Variants in GPNMB observed in about 807,000 individuals in gnomAD.
GPNMB encodes glycoprotein nmb, also known as transmembrane glycoprotein NMB.
Under a neutral mutation model 57.3 loss-of-function variants are expected in GPNMB, and 71 were observed. The ratio of observed to expected loss-of-function variants is 1.24; its 90% CI spans 1.02 to 1.51. The LOEUF (loss-of-function observed/expected upper bound fraction) is 1.51. Among genes scored for constraint, GPNMB ranks in the 40% most tolerant of loss-of-function variants. The pLI is 0.00. For missense variants in GPNMB, 677 were observed against 691.9 expected (o/e 0.98, Z 0.24); for synonymous variants, 253 against 263.2 (o/e 0.96, Z 0.38).
In GPNMB at chr7:23,260,720, C is replaced by T. The variant is rs768350886; in HGVS notation, c.965C>T (p.Pro322Leu). 1 of 1,597,642 alleles carries T rather than the reference C, an allele frequency of 6.3e-7. No homozygotes were observed. Among genetic ancestry groups the T allele is most frequent in the East Asian group, 2.2e-5 (1 of 44,460 alleles). ...ACTGTGAAAGCTGCAGCACCAGGAC[C>T]TTGTCCGCCACCGCCACCACCACCC... ...NLTVKAAAPG[P>L]CPPPPPPPRP... is the part of the protein sequence containing the mutation. Residue 322 changes from proline to leucine, a missense_variant, in exon 6 of 11, where the codon CCT becomes CTT. Physicochemically the swap from Pro to Leu is moderately conservative, Grantham distance 98. Transcript: ENST00000258733.
chr7:23,269,680 C>T (rs1002475053), intron 8 of GPNMB, among the ~76,000 whole-genome samples: 1 of 152,134 alleles, frequency 6.6e-6, no homozygotes, highest in African/African-American at 2.4e-5. Context: ...GTGAGCTGGG[C>T]TTCACGTGGT....
chr7:23,259,576 A>G (rs1032187260), intron 4 of GPNMB, among the ~76,000 whole-genome samples: 4 of 152,188 alleles, frequency 2.6e-5, no homozygotes, highest in Admixed American at 2.6e-4. Context: ...AAATAGTAAC[A>G]AAAATAAGGT....
At position 23,260,098 on chromosome 7, in the gene GPNMB, T is replaced by G. The variant is rs770211260; in HGVS notation, c.660T>G (p.Tyr220Ter). 5.0e-6 allele frequency: 8 copies of G among 1,614,012 alleles called. No individual in the cohort carries two copies. In the East Asian group the frequency reaches 1.6e-4, roughly 31 times the overall value. ...VTVYRRHGRA[Y>*]VPIAQVKDVY... ...TCTACAGAAGACATGGACGGGCATA[T>G]GTTCCCATCGCACAAGTGAAAGATG... The change falls in exon 5 of 11, where the codon TAT becomes TAG. Residue 220 changes from tyrosine to a stop codon, truncating the protein, a stop_gained. Coordinates refer to ENST00000258733, the MANE Select transcript of GPNMB (RefSeq NM_002510.3). LOFTEE classifies it high-confidence loss of function.
Position 23,274,387 on chromosome 7 carries a change from G to A in GPNMB, c.*163G>A, listed in dbSNP as rs1783286956. 5.3e-6 allele frequency: 3 copies of A among 566,112 alleles called. No individual in the cohort carries two copies. Among genetic ancestry groups the A allele is most frequent in the Admixed American group, 3.4e-5 (1 of 29,850 alleles). The allele number at this position is 566,112 out of a possible 1,614,324, so 35.1% of individuals were successfully genotyped here. ...AAATGTCATTTTAGAGATGGGGAGAGGGATTATACTGCAGGCAGCTTCAGC... is the reference window on the plus strand; with the variant it reads ...AAATGTCATTTTAGAGATGGGGAGAAGGATTATACTGCAGGCAGCTTCAGC... On this transcript the variant is annotated 3_prime_UTR_variant, in exon 11 of 11. Transcript: ENST00000258733.
At chr7:23,256,245 T>A (rs1583819503) in intron 3 of GPNMB, among the ~76,000 whole-genome samples, 1 of 152,214 alleles carries the variant, frequency 6.6e-6, no homozygotes, top group African/African-American at 2.4e-5. Context: ...TACAACAAAT[T>A]GTTGTTAACT....
Position 23,259,242 on chromosome 7 carries a change from G to A in GPNMB, c.542-738G>A, listed in dbSNP as rs149992080. Reference sequence around the variant, plus strand: ...CGCTCTGTCACCAGGCTGGAGTGCAGTGGTGTGATCTCAGCTCACTGGAAT... The same window carrying A: ...CGCTCTGTCACCAGGCTGGAGTGCAATGGTGTGATCTCAGCTCACTGGAAT... On this transcript the variant is annotated intron_variant, in intron 4 of 10. Coordinates refer to ENST00000258733, the MANE Select transcript of GPNMB (RefSeq NM_002510.3). 5.2e-3 allele frequency among the ~76,000 whole-genome samples: 794 copies of A among 152,256 alleles called. 7 individuals carry two copies. Among genetic ancestry groups the A allele is most frequent in the African/African-American group, 0.018 (731 of 41,548 alleles).
rs757984086 is a variant in GPNMB, at chr7:23,260,072, G to A, written c.634G>A (p.Val212Ile). 4.7e-5 allele frequency: 76 copies of A among 1,613,938 alleles called. No individual in the cohort carries two copies. Among genetic ancestry groups the A allele is most frequent in the Non-Finnish European group, 6.2e-5 (73 of 1,179,914 alleles). ...TGGGCCTCAACTCATGGAAGTGACT[G>A]TCTACAGAAGACATGGACGGGCATA... Reference protein sequence around the residue: ...TLGPQLMEVTVYRRHGRAYVP... With the variant: ...TLGPQLMEVTIYRRHGRAYVP... Residue 212 changes from valine to isoleucine, a missense_variant, in exon 5 of 11, where the codon GTC (valine) becomes ATC (isoleucine). By Grantham distance (29) the Val-to-Ile change is conservative. Transcript: ENST00000258733.
At chr7:23,248,308 C>T (rs1001266224) in intron 1 of GPNMB, among the ~76,000 whole-genome samples, 2 of 152,086 alleles carry the variant, frequency 1.3e-5, no homozygotes, top group Non-Finnish European at 2.9e-5. Context: ...AGAATAGACC[C>T]GATGGGGGAC....
At position 23,260,563 on chromosome 7, in the gene GPNMB, C is replaced by T. The variant is rs1382643708; in HGVS notation, c.808C>T (p.Pro270Ser). ...TATGTTTGATGTCCTGATTCATGAT[C>T]CTAGCCACTTCCTCAATTATTCTAC... ...PIMFDVLIHD[P>S]SHFLNYSTIN... The change falls in exon 6 of 11, where the codon CCT becomes TCT. Residue 270 changes from proline to serine, a missense_variant. Pro to Ser is a moderately conservative substitution (Grantham distance 74). Coordinates refer to ENST00000258733, the MANE Select transcript of GPNMB (RefSeq NM_002510.3). 10 of 1,613,498 alleles carry T rather than the reference C, an allele frequency of 6.2e-6. No homozygotes were observed. Among genetic ancestry groups the T allele is most frequent in the Non-Finnish European group, 8.5e-6 (10 of 1,179,554 alleles).
intron 1 of GPNMB, among the ~76,000 whole-genome samples, chr7:23,249,122 A>T (rs111783501): frequency 0.034 from 5,112 of 152,202 alleles, 245 homozygotes; most frequent in East Asian, 0.12. Flanking sequence ...GGGTTTTGCC[A>T]TGTTGCCCAG....
At position 23,274,144 on chromosome 7, in the gene GPNMB, C is replaced by T. The variant is rs145920361; in HGVS notation, c.1603C>T (p.Arg535Cys). The T allele has an allele frequency of 2.9e-4, 461 of 1,613,240 alleles. 1 individual carries two copies. Among genetic ancestry groups the T allele is most frequent in the Non-Finnish European group, 3.4e-4 (402 of 1,179,364 alleles). The change falls in exon 11 of 11, where the codon CGT becomes TGT. Residue 535 changes from arginine (R) to cysteine (C), a missense_variant. Arg to Cys is a radical substitution (Grantham distance 180, BLOSUM62 -3). Transcript: ENST00000258733. ...RSKGLSVFLN[R>C]AKAVFFPGNQ... Reference sequence around the variant, plus strand: ...CAAAGGCCTGAGTGTCTTTCTCAACCGTGCAAAAGCCGTGTTCTTCCCGGG... The same window carrying T: ...CAAAGGCCTGAGTGTCTTTCTCAACTGTGCAAAAGCCGTGTTCTTCCCGGG...
intron 2 of GPNMB, 112 bp downstream of exon 2, chr7:23,253,571 C>A: frequency 1.0e-5 from 9 of 871,656 alleles, no homozygotes; most frequent in Non-Finnish European, 1.6e-5. Context: ...AATGACAGTG[C>A]TCTCATTACC....
intron 1 of GPNMB, 132 bp from the exon 2 acceptor site, chr7:23,253,175 C>A: frequency 3.1e-6 from 2 of 653,390 alleles, no homozygotes; most frequent in Non-Finnish European, 4.9e-6. Context: ...AAAAACAAAG[C>A]ACCCTCTGTT....
At position 23,275,047 on chromosome 7, in the gene GPNMB, A is replaced by G. The variant is rs555719860; in HGVS notation, c.*823A>G. On this transcript the variant is annotated 3_prime_UTR_variant, in exon 11 of 11. Transcript: ENST00000258733. The stretch of plus-strand genomic sequence containing the variant: ...CTGTTTGTAACTAAAACCATCTACT[A>G]TATGTTAGACATGACATTCTTTTTC... 9 of 152,202 alleles carry G rather than the reference A, an allele frequency of 5.9e-5. No individual in the cohort carries two copies. The highest frequency in any genetic ancestry group is 2.0e-4 in the Admixed American group (3 of 15,272). The allele number at this position is 152,202 out of a possible 1,614,324, so 9.4% of individuals were successfully genotyped here.
In GPNMB at chr7:23,274,093, A is replaced by G; in HGVS notation, c.1552A>G (p.Asn518Asp). Residue 518 changes from asparagine (N) to aspartate (D), a missense_variant, in exon 11 of 11, where the codon AAT becomes GAT. Coordinates refer to ENST00000258733, the MANE Select transcript of GPNMB (RefSeq NM_002510.3). ...ACACAAGGAATACAACCCAATAGAA[A>G]ATAGTCCTGGGAATGTGGTCAGAAG... ...KKHKEYNPIENSPGNVVRSKG... is the reference protein window; with the variant it reads ...KKHKEYNPIEDSPGNVVRSKG... 1 of 1,612,822 alleles carries G rather than the reference A, an allele frequency of 6.2e-7. No individual in the cohort carries two copies. The highest frequency in any genetic ancestry group is 8.5e-7 in the Non-Finnish European group (1 of 1,179,138).
Position 23,270,590 on chromosome 7 carries a change from G to T in GPNMB, c.1429+415G>T, listed in dbSNP as rs377082807. ...TTTCATGAAAATCCACCTGAGCAAA[G>T]ATATGAAGCCTGGAAGAGAAATGAG... On this transcript the variant is annotated intron_variant, in intron 9 of 10. Transcript: ENST00000258733. Among the ~76,000 whole-genome samples, 5 of 152,278 alleles carry T rather than the reference G, an allele frequency of 3.3e-5. No homozygotes were observed. The East Asian group carries it at 5.8e-4, about 18-fold the overall frequency.
intron 9 of GPNMB, chr7:23,272,980 C>G (rs1439261637): frequency 6.6e-6 from 1 of 152,534 alleles, no homozygotes; most frequent in Admixed American, 6.5e-5. Flanking sequence ...GTAGCTGGCA[C>G]CACAGGCATG....
intron 4 of GPNMB, among the ~76,000 whole-genome samples, chr7:23,258,600 AG>A (rs1216601680): frequency 2.6e-5 from 4 of 152,234 alleles, no homozygotes; most frequent in Non-Finnish European, 5.9e-5. Flanking sequence ...CTTTCAGCCT[AG>A]AACTTGCTCT....
chr7:23,262,278 A>G (rs1049795079), intron 6 of GPNMB, among the ~76,000 whole-genome samples: 6 of 152,222 alleles, frequency 3.9e-5, no homozygotes, highest in Non-Finnish European at 7.3e-5. Context: ...AAAACAATGT[A>G]GATGTCTAGA....
Sources: gnomAD v4.1 joint callset for allele counts (sites outside exome capture counted in the v4.1 genomes callset) on GRCh38, gnomAD v4.1.1 for gene constraint, MANE v1.5 for transcripts, NCBI Gene and HGNC (gene_info 2026-07-23, HGNC 2026-07-21) for gene names.